RBFOX1: variants seen among roughly 807,000 people sequenced by gnomAD.
RBFOX1 encodes RNA binding fox-1 homolog 1, also known as RNA binding protein fox-1 homolog 1.
RBFOX1 carries 8 observed loss-of-function variants against 57.7 expected under a neutral mutation model. That is an observed-to-expected ratio of 0.14 (90% CI 0.08 to 0.25). The LOEUF is 0.25. Among genes scored for constraint, RBFOX1 ranks in the 10% least tolerant of loss-of-function variants. RBFOX1 has a pLI of 1.00. For synonymous variants in RBFOX1, 326 were observed against 222.4 expected (o/e 1.47, Z -4.15); for missense variants, 611 against 548.5 (o/e 1.11, Z -1.14).
At chr16:6,034,840 G>T (rs945903856) in intron 1 of RBFOX1, among the ~76,000 whole-genome samples, 1 of 152,108 alleles carries the variant, frequency 6.6e-6, no homozygotes, top group Non-Finnish European at 1.5e-5. Context: ...GGATGGGGAT[G>T]TGGGGGCTGA....
chr16:5,249,385 C>T (rs1019743136), intron 1 of RBFOX1, among the ~76,000 whole-genome samples: 1 of 152,206 alleles, frequency 6.6e-6, no homozygotes, highest in Non-Finnish European at 1.5e-5. Flanking sequence ...CCTTGCTAGT[C>T]TCTGGGGAGG....
chr16:5,609,301 A>G (rs1334255873), intron 3 of RBFOX1, among the ~76,000 whole-genome samples: 1 of 152,124 alleles, frequency 6.6e-6, no homozygotes, highest in Admixed American at 6.5e-5. Context: ...TTAAATGTGA[A>G]TTTCCAATAC....
At chr16:6,448,933 G>A (rs984900118) in intron 2 of RBFOX1, among the ~76,000 whole-genome samples, 1 of 152,066 alleles carries the variant, frequency 6.6e-6, no homozygotes, top group East Asian at 1.9e-4. Flanking sequence ...TTAATGAGAA[G>A]AGAAAAAAGG....
At chr16:5,440,109 A>AG (rs1328814161) in intron 1 of RBFOX1, among the ~76,000 whole-genome samples, 1 of 152,240 alleles carries the variant, frequency 6.6e-6, no homozygotes, top group African/African-American at 2.4e-5. Context: ...GTTGGATATA[A>AG]GGTTGACTAT....
At chr16:5,902,453 AC>A (rs2058326931) in intron 4 of RBFOX1, among the ~76,000 whole-genome samples, 1 of 152,022 alleles carries the variant, frequency 6.6e-6, no homozygotes, top group African/African-American at 2.4e-5. Flanking sequence ...TTGCTCTGAC[AC>A]CCAGACTGGA....
At chr16:7,286,721 A>G (rs1023360627) in intron 4 of RBFOX1, among the ~76,000 whole-genome samples, 1 of 146,320 alleles carries the variant, frequency 6.8e-6, no homozygotes, top group Non-Finnish European at 1.5e-5. Context: ...CCTCCTGGGT[A>G]CCCACCATTC....
chr16:6,756,663 T>C (rs1304140487), intron 3 of RBFOX1, among the ~76,000 whole-genome samples: 1 of 152,072 alleles, frequency 6.6e-6, no homozygotes, highest in East Asian at 1.9e-4. Flanking sequence ...AGGATCTGAA[T>C]AAACATTTCT....
chr16:7,241,791 C>T (rs781228210), intron 4 of RBFOX1, among the ~76,000 whole-genome samples: 30 of 151,476 alleles, frequency 2.0e-4, no homozygotes, highest in Non-Finnish European at 3.1e-4. Flanking sequence ...TTCAATCTGT[C>T]TATAAATGTA....
intron 2 of RBFOX1, among the ~76,000 whole-genome samples, chr16:6,515,423 C>T (rs533303909): frequency 5.3e-5 from 8 of 152,272 alleles, no homozygotes; most frequent in African/African-American, 1.9e-4. Flanking sequence ...TAGAGTCCTC[C>T]CATTTTGGTC....
At chr16:6,934,932 A>G (rs2077126244) in intron 3 of RBFOX1, among the ~76,000 whole-genome samples, 1 of 151,996 alleles carries the variant, frequency 6.6e-6, no homozygotes, top group Admixed American at 6.6e-5. Context: ...CCAAAAATAG[A>G]AAAAAATTAG....
chr16:6,256,189 ATATATATGTATATG>A (rs2097662647), intron 1 of RBFOX1, among the ~76,000 whole-genome samples: 1 of 22,610 alleles, frequency 4.4e-5, no homozygotes, highest in African/African-American at 9.5e-5. Flanking sequence ...ATATATACGT[ATATATATGTATATG>A]TATATGTGTA....
chr16:6,545,486 T>C (rs756240632), intron 2 of RBFOX1, among the ~76,000 whole-genome samples: 8 of 152,142 alleles, frequency 5.3e-5, no homozygotes, highest in Non-Finnish European at 1.2e-4. Context: ...CGTGTGCCTC[T>C]CCTTCTGCCA....
At chr16:6,920,967 T>C (rs1294106854) in intron 3 of RBFOX1, among the ~76,000 whole-genome samples, 2 of 152,206 alleles carry the variant, frequency 1.3e-5, no homozygotes, top group East Asian at 1.9e-4. Flanking sequence ...TATCAGAGAA[T>C]GGATTCTATA....
At chr16:5,516,126 C>G (rs932132850) in intron 2 of RBFOX1, among the ~76,000 whole-genome samples, 9 of 152,196 alleles carry the variant, frequency 5.9e-5, no homozygotes, top group Non-Finnish European at 4.4e-5. Context: ...TGGTGGCCTT[C>G]TGAGTCCTGT....
intron 1 of RBFOX1, among the ~76,000 whole-genome samples, chr16:5,350,317 G>T (rs970616232): frequency 2.0e-5 from 3 of 152,142 alleles, no homozygotes; most frequent in African/African-American, 7.2e-5. Context: ...TGGCTGCCTG[G>T]TGGTCAGAAA....
At position 6,454,768 on chromosome 16, in the gene RBFOX1, C is replaced by A. The variant is rs1184192705; in HGVS notation, c.-64+137711C>A. Among the ~76,000 whole-genome samples, 4 of 151,730 alleles carry A rather than the reference C, an allele frequency of 2.6e-5. No individual in the cohort carries two copies. The East Asian group carries it at 7.8e-4, about 30-fold the overall frequency. ...TTGGACTTGAGTGAGAAGAGGCACA[C>A]ATCTTCTCTCCCCCTCCCTCCCCTT... On this transcript the variant is annotated intron_variant, in intron 2 of 15. Coordinates refer to ENST00000550418, the MANE Select transcript of RBFOX1 (RefSeq NM_018723.4).
intron 3 of RBFOX1, among the ~76,000 whole-genome samples, chr16:6,678,715 G>C (rs75101855): frequency 0.017 from 2,535 of 152,058 alleles, 65 homozygotes; most frequent in African/African-American, 0.057. Flanking sequence ...GTGTATCTCA[G>C]AGTAGATGCT....
intron 4 of RBFOX1, among the ~76,000 whole-genome samples, chr16:7,193,158 A>G (rs1330649878): frequency 6.6e-6 from 1 of 152,194 alleles, no homozygotes; most frequent in Non-Finnish European, 1.5e-5. Context: ...ATCTGGATGG[A>G]TCCAATAGGA....
chr16:7,180,375 A>C (rs1166572406), intron 4 of RBFOX1, among the ~76,000 whole-genome samples: 4 of 152,210 alleles, frequency 2.6e-5, no homozygotes, highest in Non-Finnish European at 5.9e-5. Flanking sequence ...AGAAAGGGAC[A>C]GCATCTCTGG....
Sources: allele counts gnomAD v4.1 joint callset (sites outside exome capture counted in the v4.1 genomes callset), GRCh38; gene constraint gnomAD v4.1.1; transcripts MANE v1.5; gene names NCBI Gene and HGNC (gene_info 2026-07-23, HGNC 2026-07-21).